The following SYTL5 variants were observed in gnomAD, a reference collection of about 807,000 sequenced individuals.
The protein encoded by SYTL5 is synaptotagmin-like protein 5.
A neutral mutation model predicts 55.9 loss-of-function variants in SYTL5; 34 were observed. The ratio of observed to expected loss-of-function variants is 0.61; its 90% CI spans 0.46 to 0.81. The LOEUF is 0.81. SYTL5 is among the 30% of genes least tolerant of loss of function. The pLI is 0.00. For missense variants in SYTL5, 637 were observed against 546.7 expected (o/e 1.17, Z -1.65); for synonymous variants, 221 against 188.7 (o/e 1.17, Z -1.40).
At chrX:37,897,951 A>G in the SYTL5 span, among the ~76,000 whole-genome samples, 2 of 111,464 alleles carry the variant, frequency 1.8e-5, no homozygotes, top group African/African-American at 6.5e-5. Flanking sequence ...ACAAAAAATC[A>G]ACTGTGTGTG....
At chrX:37,948,206 A>G in the SYTL5 span, among the ~76,000 whole-genome samples, 3 of 111,130 alleles carry the variant, frequency 2.7e-5, no homozygotes, top group Admixed American at 9.7e-5. Context: ...CTAATGGACA[A>G]TAATGACAGG....
At chrX:38,042,059 T>C (rs751653075) in intron 2 of SYTL5, among the ~76,000 whole-genome samples, 18 of 110,967 alleles carry the variant, frequency 1.6e-4, no homozygotes, top group African/African-American at 5.5e-4. Flanking sequence ...TAAGTAAGAT[T>C]GTTACCTGAG....
intron 13 of SYTL5, 31 bp downstream of exon 13, chrX:38,110,513 G>A (rs748521804): frequency 1.8e-6 from 2 of 1,086,377 alleles, no homozygotes; most frequent in South Asian, 2.7e-5. Flanking sequence ...AGTCAGTTAT[G>A]CAATGAGACA....
At chrX:37,911,185 T>C in the SYTL5 span, among the ~76,000 whole-genome samples, 1 of 109,957 alleles carries the variant, frequency 9.1e-6, no homozygotes, top group East Asian at 2.8e-4. Flanking sequence ...TTGGCCAGGC[T>C]GGTCTTGAAC....
At chrX:37,944,488 C>A in the SYTL5 span, among the ~76,000 whole-genome samples, 2 of 111,621 alleles carry the variant, frequency 1.8e-5, no homozygotes, top group Non-Finnish European at 3.8e-5. Flanking sequence ...TTGTGACATA[C>A]CACAAAACTG....
At chrX:37,973,827 G>T in the SYTL5 span, among the ~76,000 whole-genome samples, 6 of 110,099 alleles carry the variant, frequency 5.4e-5, no homozygotes, top group African/African-American at 1.7e-4. Context: ...ATTTGTAGTA[G>T]AGATAAGGTT....
chrX:37,891,152 A>G, the SYTL5 span, among the ~76,000 whole-genome samples: 1 of 112,433 alleles, frequency 8.9e-6, no homozygotes. Flanking sequence ...AAATGAAAAC[A>G]AATGTCCACA....
chrX:38,063,743 C>T (rs988662452), intron 3 of SYTL5, among the ~76,000 whole-genome samples: 1 of 112,021 alleles, frequency 8.9e-6, no homozygotes, highest in African/African-American at 3.2e-5. Context: ...GTGTGAATAA[C>T]ATTACATTCA....
At chrX:37,912,327 C>T in the SYTL5 span, among the ~76,000 whole-genome samples, 2 of 111,905 alleles carry the variant, frequency 1.8e-5, no homozygotes, top group African/African-American at 6.5e-5. Flanking sequence ...AGCCCAATGC[C>T]GTTAAAGATC....
the SYTL5 span, among the ~76,000 whole-genome samples, chrX:37,893,680 G>GTTTATAT: frequency 1.8e-5 from 1 of 56,142 alleles, no homozygotes; most frequent in African/African-American, 1.9e-4. Flanking sequence ...ATAATCTATA[G>GTTTATAT]ATAAACTATA....
chrX:37,955,062 G>A, the SYTL5 span, among the ~76,000 whole-genome samples: 7 of 110,559 alleles, frequency 6.3e-5, no homozygotes, highest in African/African-American at 2.0e-4. Flanking sequence ...TACCACTAAC[G>A]AGATACGAGA....
At chrX:37,992,095 T>A in the SYTL5 span, among the ~76,000 whole-genome samples, 1 of 112,966 alleles carries the variant, frequency 8.9e-6, no homozygotes, top group Non-Finnish European at 1.9e-5. Flanking sequence ...AATTGAATAC[T>A]TATTCATTAT....
the SYTL5 span, among the ~76,000 whole-genome samples, chrX:37,986,946 C>T: frequency 9.0e-6 from 1 of 111,603 alleles, no homozygotes. Flanking sequence ...TATACATGCG[C>T]CATGTTGGTG....
At chrX:37,939,008 A>C in the SYTL5 span, among the ~76,000 whole-genome samples, 6 of 111,457 alleles carry the variant, frequency 5.4e-5, no homozygotes, top group African/African-American at 2.0e-4. Context: ...CTGTAATCCC[A>C]GCACTTTGGG....
chrX:37,999,343 C>A, the SYTL5 span, among the ~76,000 whole-genome samples: 1 of 112,679 alleles, frequency 8.9e-6, no homozygotes, highest in African/African-American at 3.2e-5. Context: ...CTGCATTTGG[C>A]ATTTTCTTAA....
At chrX:38,116,292 A>G (rs1164978882) in intron 13 of SYTL5, among the ~76,000 whole-genome samples, 1 of 111,985 alleles carries the variant, frequency 8.9e-6, no homozygotes, top group Non-Finnish European at 1.9e-5. Context: ...GGTGTTATGT[A>G]TCTGTTCTTA....
At chrX:38,107,189 G>GC (rs1426498188) in intron 11 of SYTL5, among the ~76,000 whole-genome samples, 1 of 111,797 alleles carries the variant, frequency 8.9e-6, no homozygotes, top group African/African-American at 3.3e-5. Context: ...GCCTGGGAGG[G>GC]CAGGTATGGA....
At chrX:38,043,661 GTATATATA>G (rs35312093) in intron 2 of SYTL5, among the ~76,000 whole-genome samples, 11 of 50,159 alleles carry the variant, frequency 2.2e-4, no homozygotes, top group Middle Eastern at 0.013. Context: ...ATGTATGTAT[GTATATATA>G]TATATATATA....
intron 7 of SYTL5, among the ~76,000 whole-genome samples, chrX:38,090,791 T>A (rs766634325): frequency 8.9e-6 from 1 of 112,754 alleles, no homozygotes; most frequent in South Asian, 3.7e-4. Context: ...TCCTTGTAGC[T>A]GGCCTCCATC....
Sources: gnomAD v4.1 joint callset for allele counts (sites outside exome capture counted in the v4.1 genomes callset) on GRCh38, gnomAD v4.1.1 for gene constraint, MANE v1.5 for transcripts, NCBI Gene and HGNC (gene_info 2026-07-23, HGNC 2026-07-21) for gene names.